The following EHBP1 variants were observed in gnomAD, a reference collection of about 807,000 sequenced individuals.
EHBP1 encodes EH domain binding protein 1.
A neutral mutation model predicts 144.0 loss-of-function variants in EHBP1; 55 were observed. That is an observed-to-expected ratio of 0.38 (90% CI 0.31 to 0.48). EHBP1 has a LOEUF of 0.48. Ranked by LOEUF, EHBP1 falls within the 20% of genes least tolerant of loss-of-function variation. The pLI, the probability that EHBP1 is intolerant of heterozygous loss-of-function variation, is 0.98. For synonymous variants in EHBP1, 469 were observed against 472.7 expected, an observed-to-expected ratio of 0.99 and a Z score of 0.10; for missense variants, 1,200 against 1,364.2, an observed-to-expected ratio of 0.88 and a Z score of 1.90.
chr2:62,889,117 G>A (rs1411034063), intron 10 of EHBP1, among the ~76,000 whole-genome samples: 1 of 128,396 alleles, frequency 7.8e-6, no homozygotes, highest in Non-Finnish European at 1.6e-5. Flanking sequence ...AAGCTGGAGT[G>A]CAGTGGGGCA....
Position 62,980,837 on chromosome 2 carries a change from T to A in EHBP1, c.2608+1502T>A, listed in dbSNP as rs537979872. ...CTACCAAATATATATATATATATAT[T>A]TTAATTTTTTTTCACGTGTCTTTTT... is the stretch of plus-strand genomic sequence containing the variant. On this transcript the variant is annotated intron_variant, in intron 15 of 22. Coordinates refer to ENST00000431489, the MANE Select transcript of EHBP1 (RefSeq NM_001142616.3). 1.7e-4 allele frequency among the ~76,000 whole-genome samples: 25 copies of A among 148,456 alleles called. No individual in the cohort carries two copies. The East Asian group carries it at 2.5e-3, about 15-fold the overall frequency.
chr2:62,826,019 C>T (rs1224558683), intron 5 of EHBP1, 68 bp from the exon 6 acceptor site: 17 of 1,124,662 alleles, frequency 1.5e-5, no homozygotes, highest in Non-Finnish European at 1.7e-5. Context: ...TTATTAAAAT[C>T]GTACTTTAAA....
At chr2:62,772,676 A>C (rs1046550894) in intron 5 of EHBP1, among the ~76,000 whole-genome samples, 1 of 152,238 alleles carries the variant, frequency 6.6e-6, no homozygotes, top group African/African-American at 2.4e-5. Flanking sequence ...GGTTGCTTGA[A>C]GATTAAATAA....
chr2:63,008,804 G>A (rs2060152638), intron 19 of EHBP1, among the ~76,000 whole-genome samples: 2 of 151,530 alleles, frequency 1.3e-5, no homozygotes, highest in South Asian at 4.1e-4. Context: ...AATTGCATAT[G>A]CAGATAATAT....
intron 15 of EHBP1, among the ~76,000 whole-genome samples, chr2:62,982,540 G>A (rs537409602): frequency 5.9e-5 from 9 of 152,158 alleles, no homozygotes; most frequent in Non-Finnish European, 1.3e-4. Context: ...ACAAATTAGT[G>A]TCCACTCTTC....
Position 62,996,666 on chromosome 2 carries a change from G to A in EHBP1, c.3003G>A (p.Gln1001=), listed in dbSNP as rs34310142. The change falls in exon 19 of 23, where the codon CAG becomes CAA. Residue 1001 remains glutamine, a synonymous_variant. Coordinates refer to ENST00000431489, the MANE Select transcript of EHBP1 (RefSeq NM_001142616.3). ...VLNKGFKDTS[Q]YVVGELAALE... is the part of the protein sequence containing the mutation. ...AGAAAGGGTTCAAAGACACCAGTCAGTATGTAGTAGGAGAATTGGCAGCAC... is the reference window on the plus strand; with the variant it reads ...AGAAAGGGTTCAAAGACACCAGTCAATATGTAGTAGGAGAATTGGCAGCAC... 9.9e-4 allele frequency: 1,594 copies of A among 1,613,380 alleles called. 17 individuals are homozygous for A. In the African/African-American group the frequency reaches 0.019, roughly 19 times the overall value.
chr2:62,749,597 T>C lies in EHBP1; in HGVS notation c.162+2145T>C, dbSNP rs571143816. On this transcript the variant is annotated intron_variant, in intron 3 of 22. Transcript: ENST00000431489. ...CAATGGTTGAACTAGTTTACAGTCC[T>C]ACCAACAGTGTAAAAGTGTTCCTAT... is the stretch of plus-strand genomic sequence containing the variant. 2.8e-4 allele frequency among the ~76,000 whole-genome samples: 43 copies of C among 152,236 alleles called. No individual in the cohort carries two copies. The East Asian group carries it at 4.2e-3, about 15-fold the overall frequency.
At chr2:63,022,284 C>T (rs1210088221) in intron 19 of EHBP1, among the ~76,000 whole-genome samples, 3 of 151,940 alleles carry the variant, frequency 2.0e-5, no homozygotes, top group Admixed American at 6.6e-5. Flanking sequence ...CTCCTTCCTC[C>T]TTCCTCTTTC....
rs79259731 is a variant in EHBP1, at chr2:62,952,643, A to G, written c.2317-2874A>G. 5.6e-3 allele frequency among the ~76,000 whole-genome samples: 858 copies of G among 152,288 alleles called. 10 individuals are homozygous for G. Among genetic ancestry groups the G allele is most frequent in the African/African-American group, 0.018 (745 of 41,554 alleles). On this transcript the variant is annotated intron_variant, in intron 13 of 22. Coordinates refer to ENST00000431489, the MANE Select transcript of EHBP1 (RefSeq NM_001142616.3). ...CTCATAAGGTAAGTAGTCAAATTCTATATTATATGTGGGAAATCTGAGGTT... is the reference window on the plus strand; with the variant it reads ...CTCATAAGGTAAGTAGTCAAATTCTGTATTATATGTGGGAAATCTGAGGTT...
chr2:62,731,753 C>A (rs2037624469), intron 2 of EHBP1, among the ~76,000 whole-genome samples: 1 of 152,044 alleles, frequency 6.6e-6, no homozygotes, highest in African/African-American at 2.4e-5. Flanking sequence ...TCGAACCAAC[C>A]TTGCATACAT....
chr2:63,026,410 C>T (rs190425740), intron 19 of EHBP1, among the ~76,000 whole-genome samples: 21 of 150,914 alleles, frequency 1.4e-4, no homozygotes, highest in African/African-American at 5.1e-4. Context: ...ACTTACATAG[C>T]ATTTATTTAC....
intron 19 of EHBP1, among the ~76,000 whole-genome samples, chr2:63,036,462 G>T (rs184818064): frequency 6.6e-6 from 1 of 151,836 alleles, no homozygotes; most frequent in South Asian, 2.1e-4. Flanking sequence ...GACATTTTAC[G>T]TGAAAAGAAA....
Position 62,942,758 on chromosome 2 carries a change from A to G in EHBP1, c.1226A>G (p.Asn409Ser). The G allele has an allele frequency of 6.2e-7, 1 of 1,612,418 alleles. No homozygotes were observed. The change falls in exon 11 of 23, where the codon AAT becomes AGT. Residue 409 changes from asparagine to serine, a missense_variant. By Grantham distance (46) the Asn-to-Ser change is conservative (BLOSUM62 1). This residue lies in a region of EHBP1 where 266 missense variants were observed against 262.4 expected (regional missense o/e 1.01). Transcript: ENST00000431489. The part of the protein sequence containing the change: ...IPSPVLGRKP[N>S]ASQSLLVWCK... ...AGTCCTGTTTTGGGGCGAAAGCCAA[A>G]TGCTAGTCAGTCTTTGCTTGTATGG...
At chr2:62,943,107 C>A (rs543759135) in intron 11 of EHBP1, among the ~76,000 whole-genome samples, 1 of 152,074 alleles carries the variant, frequency 6.6e-6, no homozygotes, top group African/African-American at 2.4e-5. Context: ...CTGGGCGTGG[C>A]GGCTCACGCC....
intron 19 of EHBP1, among the ~76,000 whole-genome samples, chr2:63,004,478 A>C (rs1228488225): frequency 6.6e-6 from 1 of 152,084 alleles, no homozygotes; most frequent in Admixed American, 6.6e-5. Flanking sequence ...GTGATTGGTA[A>C]CAACACACCT....
chr2:62,752,696 G>A (rs1218093782), intron 3 of EHBP1, among the ~76,000 whole-genome samples: 4 of 152,268 alleles, frequency 2.6e-5, no homozygotes, highest in South Asian at 4.1e-4. Context: ...AAGATAGTTA[G>A]CTCTTCTTGT....
intron 2 of EHBP1, among the ~76,000 whole-genome samples, chr2:62,721,757 A>G (rs2036242507): frequency 6.7e-6 from 1 of 150,258 alleles, no homozygotes; most frequent in Non-Finnish European, 1.5e-5. Flanking sequence ...TTCCTCATTT[A>G]TTTATTCAGT....
chr2:62,972,056 A>G (rs1178723226), intron 14 of EHBP1, among the ~76,000 whole-genome samples: 1 of 152,196 alleles, frequency 6.6e-6, no homozygotes, highest in Non-Finnish European at 1.5e-5. Flanking sequence ...TTTTTGAAGT[A>G]TACTTATCTT....
rs200547224 is a variant in EHBP1, at chr2:62,865,271, G to GT, written c.998+309dup. On this transcript the variant is annotated intron_variant, in intron 9 of 22. Transcript: ENST00000431489. ...ATTATAAATGGTATTTAGGTTTTTG[G>GT]TTTTTTTTTCCATCAAACTCTGTAG... Among the ~76,000 whole-genome samples the GT allele has an allele frequency of 5.3e-5, 8 of 151,050 alleles. No individual in the cohort carries two copies. In the East Asian group the frequency reaches 1.2e-3, roughly 22 times the overall value.
Sources: allele counts gnomAD v4.1 joint callset (sites outside exome capture counted in the v4.1 genomes callset), GRCh38; gene constraint gnomAD v4.1.1; regional missense constraint gnomAD v4.1.1; transcripts MANE v1.5; gene names NCBI Gene and HGNC (gene_info 2026-07-23, HGNC 2026-07-21).